CCDC30: variants seen among roughly 807,000 people sequenced by gnomAD.
The protein encoded by CCDC30 is coiled-coil domain containing 30, also known as coiled-coil domain-containing protein 30.
CCDC30 carries 70 observed loss-of-function variants against 100.2 expected under a neutral mutation model. The ratio of observed to expected loss-of-function variants is 0.70; its 90% confidence interval spans 0.58 to 0.85. The LOEUF is 0.85. Among genes scored for constraint, CCDC30 ranks in the 40% least tolerant of loss-of-function variants. The pLI is 0.00. For synonymous variants in CCDC30, 233 were observed against 269.5 expected (o/e 0.86, Z 1.33); for missense variants, 652 against 771.2 (o/e 0.85, Z 1.83).
chr1:42,487,966 G>A (rs1644077784), intron 3 of CCDC30, among the ~76,000 whole-genome samples: 1 of 152,174 alleles, frequency 6.6e-6, no homozygotes, highest in African/African-American at 2.4e-5. Context: ...GCTGTTGTAA[G>A]CCACTAAGTT....
chr1:42,460,998 TG>T (rs1300271534), upstream of CCDC30, among the ~76,000 whole-genome samples: 1 of 152,256 alleles, frequency 6.6e-6, no homozygotes, highest in Admixed American at 6.5e-5. Context: ...TCCTACGTTT[TG>T]GGTTTGGAGT....
chr1:42,601,057 A>G (rs1414508673), intron 10 of CCDC30, among the ~76,000 whole-genome samples: 1 of 152,200 alleles, frequency 6.6e-6, no homozygotes, highest in Admixed American at 6.5e-5. Context: ...GAACGGACTA[A>G]TACAGACCCT....
chr1:42,564,306 C>T (rs1481643195), intron 6 of CCDC30, among the ~76,000 whole-genome samples: 2 of 151,804 alleles, frequency 1.3e-5, no homozygotes, highest in African/African-American at 4.9e-5. Context: ...GCTTTTTTTA[C>T]AGCTTTATTC....
intron 4 of CCDC30, among the ~76,000 whole-genome samples, chr1:42,494,021 C>T (rs527943711): frequency 6.6e-6 from 1 of 152,240 alleles, no homozygotes; most frequent in Admixed American, 6.5e-5. Flanking sequence ...CAAGACCAGC[C>T]TGGTGAGCAT....
chr1:42,512,451 G>C (rs373169338), intron 6 of CCDC30, among the ~76,000 whole-genome samples: 105 of 152,214 alleles, frequency 6.9e-4, no homozygotes, highest in East Asian at 5.6e-3. Flanking sequence ...TGTGGCGGGT[G>C]GGGGGAGACC....
chr1:42,611,849 T>A (rs1646631699), intron 11 of CCDC30, among the ~76,000 whole-genome samples: 1 of 152,112 alleles, frequency 6.6e-6, no homozygotes, highest in African/African-American at 2.4e-5. Context: ...GCTCACTTTT[T>A]AATTTTTTTA....
intron 1 of CCDC30, among the ~76,000 whole-genome samples, chr1:42,479,151 G>A (rs560727859): frequency 2.6e-5 from 4 of 152,092 alleles, no homozygotes; most frequent in African/African-American, 4.8e-5. Context: ...CGAGTTGGGC[G>A]GATCACCGGA....
chr1:42,571,274 G>C (rs4019429), intron 7 of CCDC30: 1 of 152,278 alleles, frequency 6.6e-6, no homozygotes, highest in Admixed American at 6.5e-5. Flanking sequence ...AAATATTCCA[G>C]AACACTTGAT....
At chr1:42,549,000 G>A (rs1557845090) in intron 6 of CCDC30, among the ~76,000 whole-genome samples, 2 of 152,134 alleles carry the variant, frequency 1.3e-5, no homozygotes, top group Non-Finnish European at 2.9e-5. Flanking sequence ...TCTGTTTATA[G>A]TTCTTTTGTC....
chr1:42,496,134 TG>T (rs1644229114), intron 4 of CCDC30, among the ~76,000 whole-genome samples: 2 of 150,350 alleles, frequency 1.3e-5, no homozygotes, highest in African/African-American at 4.9e-5. Context: ...TGTGTGTGTG[TG>T]TGTGTGTGTG....
chr1:42,578,963 A>G (rs1003508471), intron 8 of CCDC30, among the ~76,000 whole-genome samples: 12 of 152,148 alleles, frequency 7.9e-5, no homozygotes, highest in African/African-American at 2.7e-4. Context: ...TGCTGTGTCT[A>G]TGGAACAGCC....
chr1:42,653,871 A>G, exon 17 of CCDC30: 1 of 1,614,180 alleles, frequency 6.2e-7, no homozygotes, highest in Non-Finnish European at 8.5e-7. Flanking sequence ...GAGACTGAAG[A>G]GATCAAGTCA....
At chr1:42,480,643 A>G in intron 2 of CCDC30, 77 bp downstream of exon 2, 1 of 983,210 alleles carries the variant, frequency 1.0e-6, no homozygotes, top group Non-Finnish European at 1.2e-6. Context: ...TATATATTGA[A>G]TTTTGTTAAG....
At chr1:42,555,294 C>T (rs963988966) in intron 6 of CCDC30, among the ~76,000 whole-genome samples, 7 of 152,118 alleles carry the variant, frequency 4.6e-5, no homozygotes, top group African/African-American at 1.7e-4. Flanking sequence ...CTCATCTATA[C>T]CAACACCCAC....
intron 15 of CCDC30, among the ~76,000 whole-genome samples, chr1:42,650,169 C>T (rs1648207909): frequency 6.6e-6 from 1 of 152,000 alleles, no homozygotes; most frequent in Admixed American, 6.6e-5. Flanking sequence ...AAGCTGGAGG[C>T]CTCATACTAC....
intron 6 of CCDC30, among the ~76,000 whole-genome samples, chr1:42,547,476 A>G (rs1645167439): frequency 6.6e-6 from 1 of 152,196 alleles, no homozygotes; most frequent in Admixed American, 6.5e-5. Flanking sequence ...ACAAAAGTCC[A>G]CCCAGGTGAT....
chr1:42,634,791 T>G (rs966605578), intron 11 of CCDC30, among the ~76,000 whole-genome samples: 2 of 152,174 alleles, frequency 1.3e-5, no homozygotes, highest in Non-Finnish European at 2.9e-5. Flanking sequence ...ACAATCAACA[T>G]TAGAACATTT....
chr1:42,563,387 A>G (rs983379938), intron 6 of CCDC30, among the ~76,000 whole-genome samples: 1 of 152,100 alleles, frequency 6.6e-6, no homozygotes, highest in African/African-American at 2.4e-5. Context: ...TCTCTCACTC[A>G]TAAGTGGGAG....
At chr1:42,647,342 G>T (rs375595680) in intron 15 of CCDC30, among the ~76,000 whole-genome samples, 1 of 152,038 alleles carries the variant, frequency 6.6e-6, no homozygotes, top group African/African-American at 2.4e-5. Flanking sequence ...AACGACAAGG[G>T]GGGTAACCTA....
Sources: gnomAD v4.1 joint callset for allele counts (sites outside exome capture counted in the v4.1 genomes callset) on GRCh38, gnomAD v4.1.1 for gene constraint, MANE v1.5 for transcripts, NCBI Gene and HGNC (gene_info 2026-07-23, HGNC 2026-07-21) for gene names.